Variants in CDH9 observed in about 807,000 individuals in gnomAD.
CDH9 encodes cadherin-9.
In CDH9, 28 loss-of-function variants were observed where a neutral mutation model predicts 70.9. The observed-to-expected ratio is 0.40, with a 90% CI of 0.29 to 0.54. The LOEUF is 0.54. CDH9 is among the 20% of genes least tolerant of loss of function. The pLI, the probability that CDH9 is intolerant of heterozygous loss-of-function variation, is 0.59. For missense variants in CDH9, 874 were observed against 984.4 expected, an observed-to-expected ratio of 0.89 and a Z score of 1.50; for synonymous variants, 409 against 343.1, an observed-to-expected ratio of 1.19 and a Z score of -2.12.
intron 2 of CDH9, among the ~76,000 whole-genome samples, chr5:26,968,494 C>G (rs941748612): frequency 3.3e-5 from 5 of 152,170 alleles, no homozygotes; most frequent in South Asian, 2.1e-4. Context: ...TCATGTTGGC[C>G]AGGCTGGTCT....
At chr5:26,985,323 T>A in intron 2 of CDH9, among the ~76,000 whole-genome samples, 1 of 152,064 alleles carries the variant, frequency 6.6e-6, no homozygotes, top group Non-Finnish European at 1.5e-5. Flanking sequence ...AAATTTGGAG[T>A]TAAAGAAATC....
At chr5:26,959,037 T>A (rs942459559) in intron 2 of CDH9, among the ~76,000 whole-genome samples, 3 of 152,010 alleles carry the variant, frequency 2.0e-5, no homozygotes, top group African/African-American at 7.2e-5. Flanking sequence ...CTATTGTACA[T>A]CAAAAGACAC....
At chr5:27,036,818 T>C (rs1743401655) in intron 1 of CDH9, among the ~76,000 whole-genome samples, 1 of 151,962 alleles carries the variant, frequency 6.6e-6, no homozygotes, top group African/African-American at 2.4e-5. Context: ...ATTTATCTAC[T>C]CCTCATTTGG....
intron 2 of CDH9, among the ~76,000 whole-genome samples, chr5:26,951,758 T>G (rs1741849221): frequency 6.6e-6 from 1 of 152,098 alleles, no homozygotes; most frequent in Non-Finnish European, 1.5e-5. Context: ...TGAGTCTGAT[T>G]TAACAATAGT....
At chr5:26,894,373 C>T (rs1269538350) in intron 7 of CDH9, among the ~76,000 whole-genome samples, 1 of 152,054 alleles carries the variant, frequency 6.6e-6, no homozygotes, top group Non-Finnish European at 1.5e-5. Flanking sequence ...AGCTTTGATA[C>T]ACTTGTATCT....
chr5:26,923,236 AAACAAC>A (rs143075955), intron 2 of CDH9, among the ~76,000 whole-genome samples: 1 of 151,028 alleles, frequency 6.6e-6, no homozygotes, highest in Non-Finnish European at 1.5e-5. Context: ...ATGCCAGTAA[AAACAAC>A]AACAACAACA....
intron 2 of CDH9, among the ~76,000 whole-genome samples, chr5:26,937,506 T>C (rs1260616406): frequency 6.6e-6 from 1 of 152,112 alleles, no homozygotes; most frequent in Non-Finnish European, 1.5e-5. Context: ...ATCTAGCAAT[T>C]ATATTACCTG....
chr5:26,885,032 A>G lies in CDH9; in HGVS notation c.1882+582T>C, dbSNP rs553475869. ...CAATGCACAACAAGTTATATAGGGGAAAATGTCTAACTTACTGTGACAACT... is the reference window on the plus strand; with the variant it reads ...CAATGCACAACAAGTTATATAGGGGGAAATGTCTAACTTACTGTGACAACT... On this transcript the variant is annotated intron_variant, in intron 11 of 11. Transcript: ENST00000231021. Among the ~76,000 whole-genome samples the G allele has an allele frequency of 7.9e-5, 12 of 152,324 alleles. No individual in the cohort carries two copies. The East Asian group carries it at 1.7e-3, about 22-fold the overall frequency.
chr5:26,905,146 G>A (rs16896365), intron 5 of CDH9, among the ~76,000 whole-genome samples: 1 of 151,998 alleles, frequency 6.6e-6, no homozygotes. Context: ...ATGAATTTAA[G>A]TTTCAGCATT....
At chr5:26,989,740 G>T (rs1195907716) in intron 1 of CDH9, among the ~76,000 whole-genome samples, 1 of 152,074 alleles carries the variant, frequency 6.6e-6, no homozygotes, top group Non-Finnish European at 1.5e-5. Context: ...GTTGGACCAA[G>T]CATCTATGAA....
intron 2 of CDH9, among the ~76,000 whole-genome samples, chr5:26,936,417 C>T (rs545587575): frequency 1.3e-5 from 2 of 151,986 alleles, no homozygotes; most frequent in Non-Finnish European, 2.9e-5. Flanking sequence ...AATCAAGAAA[C>T]TAAATAAATG....
chr5:26,991,284 A>G (rs754056099), intron 1 of CDH9, among the ~76,000 whole-genome samples: 10 of 152,088 alleles, frequency 6.6e-5, no homozygotes, highest in South Asian at 2.1e-4. Flanking sequence ...CAATTTTTCT[A>G]TGCTTTTGCT....
At chr5:26,999,329 T>C (rs1488512481) in intron 1 of CDH9, among the ~76,000 whole-genome samples, 2 of 152,184 alleles carry the variant, frequency 1.3e-5, no homozygotes, top group Non-Finnish European at 1.5e-5. Flanking sequence ...TCATGCCATA[T>C]GCAATGACTT....
At chr5:26,960,341 C>T (rs1458812840) in intron 2 of CDH9, among the ~76,000 whole-genome samples, 1 of 151,902 alleles carries the variant, frequency 6.6e-6, no homozygotes, top group Admixed American at 6.6e-5. Flanking sequence ...GTTTACCTCC[C>T]ATATGCTGCT....
chr5:26,939,137 G>A (rs1025254503), intron 2 of CDH9, among the ~76,000 whole-genome samples: 1 of 151,538 alleles, frequency 6.6e-6, no homozygotes, highest in African/African-American at 2.4e-5. Flanking sequence ...TAAATATGTC[G>A]ATTCTCCCAA....
chr5:26,995,367 C>T (rs1164428420), intron 1 of CDH9, among the ~76,000 whole-genome samples: 1 of 151,958 alleles, frequency 6.6e-6, no homozygotes, highest in Non-Finnish European at 1.5e-5. Flanking sequence ...GGGTTTTTTT[C>T]CCCTAACAAA....
chr5:26,948,885 T>A (rs887440696), intron 2 of CDH9, among the ~76,000 whole-genome samples: 1 of 152,190 alleles, frequency 6.6e-6, no homozygotes, highest in Non-Finnish European at 1.5e-5. Flanking sequence ...TTCACTGGAA[T>A]GATTTCTTAG....
At chr5:26,980,548 C>A (rs1176710023) in intron 2 of CDH9, among the ~76,000 whole-genome samples, 2 of 151,938 alleles carry the variant, frequency 1.3e-5, no homozygotes, top group Non-Finnish European at 2.9e-5. Context: ...CTCTTAATAT[C>A]AGTTATTAGG....
intron 7 of CDH9, among the ~76,000 whole-genome samples, chr5:26,894,502 G>A (rs2111977918): frequency 6.6e-6 from 1 of 152,130 alleles, no homozygotes; most frequent in Admixed American, 6.5e-5. Context: ...TACAGAAATA[G>A]CTCACTTTTA....
Sources: allele counts gnomAD v4.1 joint callset (sites outside exome capture counted in the v4.1 genomes callset), GRCh38; gene constraint gnomAD v4.1.1; transcripts MANE v1.5; gene names NCBI Gene and HGNC (gene_info 2026-07-23, HGNC 2026-07-21).